Variants in GUCY1A2 observed in about 807,000 individuals in gnomAD.
GUCY1A2 encodes guanylate cyclase 1 soluble subunit alpha 2, also known as guanylate cyclase soluble subunit alpha-2.
Under a neutral mutation model 63.5 loss-of-function variants are expected in GUCY1A2, and 27 were observed. The observed-to-expected ratio is 0.43, with a 90% confidence interval of 0.31 to 0.59. GUCY1A2 has a LOEUF of 0.59. GUCY1A2 is among the 20% of genes least tolerant of loss of function. The pLI is 0.11. For synonymous variants in GUCY1A2, 364 were observed against 343.5 expected, an observed-to-expected ratio of 1.06 and a Z score of -0.66; for missense variants, 768 against 913.3, an observed-to-expected ratio of 0.84 and a Z score of 2.05.
chr11:106,791,199 C>T (rs901737788), intron 5 of GUCY1A2, among the ~76,000 whole-genome samples: 9 of 152,198 alleles, frequency 5.9e-5, no homozygotes, highest in Non-Finnish European at 1.2e-4. Flanking sequence ...TCTAAATGCT[C>T]CCTCTGTGTG....
chr11:106,698,523 T>C (rs1033057449), intron 7 of GUCY1A2, among the ~76,000 whole-genome samples: 9 of 152,180 alleles, frequency 5.9e-5, no homozygotes, highest in African/African-American at 1.7e-4. Context: ...TGCAAAGATA[T>C]ATAGTATAGT....
chr11:106,923,449 C>T (rs1436112584), intron 4 of GUCY1A2, among the ~76,000 whole-genome samples: 1 of 152,186 alleles, frequency 6.6e-6, no homozygotes, highest in Non-Finnish European at 1.5e-5. Context: ...ATGAAAACAA[C>T]ACATAAATGT....
At position 106,676,283 on chromosome 11, in the gene GUCY1A2, G is replaced by A. The variant is rs1348909962; in HGVS notation, c.*11266C>T. 1.6e-5 allele frequency: 3 copies of A among 183,450 alleles called. No individual in the cohort carries two copies. The highest frequency in any genetic ancestry group is 3.5e-5 in the Non-Finnish European group (3 of 86,426). 11.4% of individuals were successfully genotyped at this position (183,450 alleles called of 1,614,324 possible). On this transcript the variant is annotated 3_prime_UTR_variant, in exon 8 of 8. Coordinates refer to ENST00000526355, the MANE Select transcript of GUCY1A2 (RefSeq NM_000855.3). ...AGATATTTGACTTATTTTCCCTTAGGAGTCAAATACTCTGCTAGAAATGAT... is the reference window on the plus strand; with the variant it reads ...AGATATTTGACTTATTTTCCCTTAGAAGTCAAATACTCTGCTAGAAATGAT...
intron 5 of GUCY1A2, among the ~76,000 whole-genome samples, chr11:106,803,375 C>T (rs1858637215): frequency 6.6e-6 from 1 of 152,170 alleles, no homozygotes; most frequent in African/African-American, 2.4e-5. Flanking sequence ...CTCCCTCCCT[C>T]CTTTTATTTC....
At chr11:106,956,973 T>C (rs1171794264) in intron 3 of GUCY1A2, among the ~76,000 whole-genome samples, 1 of 152,136 alleles carries the variant, frequency 6.6e-6, no homozygotes, top group African/African-American at 2.4e-5. Context: ...TCCCCGAGCC[T>C]CTAGCTGGAG....
chr11:106,716,768 CAAAAAAAAAAA>C (rs56999589), intron 6 of GUCY1A2, among the ~76,000 whole-genome samples: 9 of 55,300 alleles, frequency 1.6e-4, no homozygotes, highest in African/African-American at 4.8e-4. Flanking sequence ...GACTCCGTCT[CAAAAAAAAAAA>C]AAAAAAAAAA....
intron 5 of GUCY1A2, among the ~76,000 whole-genome samples, chr11:106,804,757 T>C (rs1490721203): frequency 6.6e-6 from 1 of 152,252 alleles, no homozygotes; most frequent in African/African-American, 2.4e-5. Flanking sequence ...CCTTTGACAC[T>C]GTAGACTTGT....
At chr11:106,718,891 T>C (rs1363884415) in intron 6 of GUCY1A2, among the ~76,000 whole-genome samples, 1 of 152,112 alleles carries the variant, frequency 6.6e-6, no homozygotes, top group Non-Finnish European at 1.5e-5. Context: ...AAAACAATTG[T>C]GACTTTTTTC....
chr11:106,945,544 T>C (rs1419665871), intron 3 of GUCY1A2, among the ~76,000 whole-genome samples: 2 of 152,228 alleles, frequency 1.3e-5, no homozygotes, highest in Admixed American at 6.5e-5. Context: ...TTCTGATGTA[T>C]GTGTACATAT....
At chr11:106,921,224 T>C (rs949094840) in intron 4 of GUCY1A2, among the ~76,000 whole-genome samples, 1 of 152,052 alleles carries the variant, frequency 6.6e-6, no homozygotes, top group Non-Finnish European at 1.5e-5. Flanking sequence ...CTGAATTCAA[T>C]TCCCATATCC....
intron 4 of GUCY1A2, among the ~76,000 whole-genome samples, chr11:106,919,549 T>C (rs1209346274): frequency 6.6e-6 from 1 of 152,020 alleles, no homozygotes; most frequent in Non-Finnish European, 1.5e-5. Context: ...AAAATTGGCA[T>C]AGTGCAATGT....
chr11:106,681,842 A>C lies in GUCY1A2; in HGVS notation c.*5707T>G, dbSNP rs545921894. 4.6e-6 allele frequency: 1 copy of C among 216,184 alleles called. No homozygotes were observed. The highest frequency in any genetic ancestry group is 2.2e-5 in the African/African-American group (1 of 44,474). The allele number at this position is 216,184 out of a possible 1,614,324, so 13.4% of individuals were successfully genotyped here. A position where few individuals can be genotyped will look rare whatever the true frequency, so the allele number is the denominator to read the frequency against. ...GGTTGTTACACGGTATTGCTTGGAA[A>C]TCAGTTTTCAGATAATGTACAATTC... On this transcript the variant is annotated 3_prime_UTR_variant, in exon 8 of 8. Coordinates refer to ENST00000526355, the MANE Select transcript of GUCY1A2 (RefSeq NM_000855.3).
intron 3 of GUCY1A2, among the ~76,000 whole-genome samples, chr11:106,944,625 T>G (rs1860801330): frequency 6.6e-6 from 1 of 152,162 alleles, no homozygotes; most frequent in African/African-American, 2.4e-5. Context: ...AACCTGCACA[T>G]GTACCCCTGA....
At chr11:106,856,637 T>G (rs573023953) in intron 4 of GUCY1A2, among the ~76,000 whole-genome samples, 1 of 152,362 alleles carries the variant, frequency 6.6e-6, no homozygotes, top group African/African-American at 2.4e-5. Context: ...AAAAATTATC[T>G]CTGCAGACAG....
chr11:106,792,367 C>A (rs1213402359), intron 5 of GUCY1A2, among the ~76,000 whole-genome samples: 1 of 111,182 alleles, frequency 9.0e-6, no homozygotes, highest in Non-Finnish European at 1.7e-5. Context: ...GCCTGGGCAA[C>A]AGAGTGAGAC....
chr11:106,932,749 G>A (rs533850616), intron 4 of GUCY1A2, among the ~76,000 whole-genome samples: 2 of 152,262 alleles, frequency 1.3e-5, no homozygotes, highest in African/African-American at 2.4e-5. Flanking sequence ...AACCAAAATA[G>A]CTTGGTATTA....
chr11:106,812,143 T>C (rs893006364), intron 4 of GUCY1A2, among the ~76,000 whole-genome samples: 5 of 151,966 alleles, frequency 3.3e-5, no homozygotes, highest in African/African-American at 9.7e-5. Flanking sequence ...AAGAAACACA[T>C]AATGTACAAT....
intron 4 of GUCY1A2, among the ~76,000 whole-genome samples, chr11:106,897,543 A>G (rs1283370512): frequency 8.5e-5 from 13 of 152,100 alleles, no homozygotes; most frequent in Non-Finnish European, 1.3e-4. Context: ...AAATAGAACT[A>G]CAAATATATA....
chr11:106,834,959 A>G (rs1308663894), intron 4 of GUCY1A2, among the ~76,000 whole-genome samples: 1 of 151,992 alleles, frequency 6.6e-6, no homozygotes, highest in African/African-American at 2.4e-5. Flanking sequence ...CTTCTCTTAC[A>G]TGGAATATAT....
Sources: gnomAD v4.1 joint callset for allele counts (sites outside exome capture counted in the v4.1 genomes callset) on GRCh38, gnomAD v4.1.1 for gene constraint, MANE v1.5 for transcripts, NCBI Gene and HGNC (gene_info 2026-07-23, HGNC 2026-07-21) for gene names.